Variants in KIF13A observed in about 807,000 individuals in gnomAD.
The protein encoded by KIF13A is kinesin-like protein KIF13A.
Under a neutral mutation model 212.2 loss-of-function variants are expected in KIF13A, and 79 were observed. That is an observed-to-expected ratio of 0.37 (90% CI 0.31 to 0.45). The LOEUF (loss-of-function observed/expected upper bound fraction) is 0.45, where lower values mean the gene tolerates loss of function less well. KIF13A is among the 20% of genes least tolerant of loss of function. The pLI is 1.00. For synonymous variants in KIF13A, 789 were observed against 808.6 expected, an observed-to-expected ratio of 0.98 and a Z score of 0.41; for missense variants, 1,901 against 2,209.0, an observed-to-expected ratio of 0.86 and a Z score of 2.79.
At chr6:17,916,070 A>G (rs1774490426) in intron 2 of KIF13A, among the ~76,000 whole-genome samples, 1 of 152,246 alleles carries the variant, frequency 6.6e-6, no homozygotes, top group Admixed American at 6.5e-5. Context: ...CTGATTCCCA[A>G]TACAGACCTG....
At chr6:17,818,421 A>G (rs1333206884) in intron 16 of KIF13A, among the ~76,000 whole-genome samples, 5 of 152,254 alleles carry the variant, frequency 3.3e-5, no homozygotes, top group Admixed American at 3.3e-4. Context: ...AAATTGTAAT[A>G]ATTTTCTATA....
chr6:17,766,483 C>A (rs60431330), intron 38 of KIF13A, among the ~76,000 whole-genome samples: 3 of 151,936 alleles, frequency 2.0e-5, no homozygotes, highest in Non-Finnish European at 2.9e-5. Flanking sequence ...GGTGATCTGC[C>A]CGTCTCAGCC....
At chr6:17,924,056 A>C (rs1484754791) in intron 2 of KIF13A, among the ~76,000 whole-genome samples, 1 of 152,240 alleles carries the variant, frequency 6.6e-6, no homozygotes, top group African/African-American at 2.4e-5. Context: ...TTCACAGGTT[A>C]AAAATACATA....
At chr6:17,932,770 T>G (rs977431424) in intron 2 of KIF13A, among the ~76,000 whole-genome samples, 2 of 150,880 alleles carry the variant, frequency 1.3e-5, no homozygotes, top group East Asian at 3.9e-4. Flanking sequence ...AGAGAGAGGG[T>G]TGAAGCGAGG....
At chr6:17,959,649 T>C (rs1278319280) in intron 2 of KIF13A, among the ~76,000 whole-genome samples, 2 of 152,264 alleles carry the variant, frequency 1.3e-5, no homozygotes, top group Non-Finnish European at 2.9e-5. Context: ...TTTTCAATTA[T>C]ATTTCCTAAA....
chr6:17,961,969 T>C lies in KIF13A; in HGVS notation c.146+25085A>G, dbSNP rs944273439. 2.0e-5 allele frequency among the ~76,000 whole-genome samples: 3 copies of C among 152,214 alleles called. No homozygotes were observed. Among genetic ancestry groups the C allele is most frequent in the Non-Finnish European group, 2.9e-5 (2 of 68,046 alleles). On this transcript the variant is annotated intron_variant, in intron 2 of 38. Transcript: ENST00000259711. This position sits in a 1 kb window ranked among gnomAD's most constrained non-coding sequence, Gnocchi z 4.1. ...TTAATAGTTCAACGGGCAATGGTTT[T>C]TCTTTTGTGTGGCACCTACATACCA...
At chr6:17,983,336 G>A (rs1164709098) in intron 2 of KIF13A, among the ~76,000 whole-genome samples, 2 of 152,004 alleles carry the variant, frequency 1.3e-5, no homozygotes, top group Non-Finnish European at 2.9e-5. Flanking sequence ...GAAGAGATGG[G>A]CAAAGTAGGG....
chr6:17,933,284 C>T (rs757746593), intron 2 of KIF13A, among the ~76,000 whole-genome samples: 2 of 151,998 alleles, frequency 1.3e-5, no homozygotes, highest in Non-Finnish European at 2.9e-5. Context: ...GAGTGCATAC[C>T]AACTGCATCT....
At position 17,888,527 on chromosome 6, in the gene KIF13A, C is replaced by T. The variant is rs1771752788; in HGVS notation, c.159+9641G>A. Among the ~76,000 whole-genome samples, 1 of 152,130 alleles carries T rather than the reference C, an allele frequency of 6.6e-6. No homozygotes were observed. Among genetic ancestry groups the T allele is most frequent in the African/African-American group, 2.4e-5 (1 of 41,432 alleles). ...AATTTAAAATGTTTTTGTAGACACA[C>T]TGAAAAGTAAAAGAGGCCAACCATG... On this transcript the variant is annotated intron_variant, in intron 3 of 38. Transcript: ENST00000259711. The surrounding 1 kb of genome is among the most constrained non-coding windows in gnomAD (Gnocchi z 4.8).
At chr6:17,975,910 T>C (rs184272738) in intron 2 of KIF13A, among the ~76,000 whole-genome samples, 61 of 151,796 alleles carry the variant, frequency 4.0e-4, no homozygotes, top group Non-Finnish European at 7.9e-4. Flanking sequence ...GTATTTACAA[T>C]CCTTGAGCTA....
Position 17,838,513 on chromosome 6 carries a change from TA to T in KIF13A, c.831-931del, listed in dbSNP as rs1409294187. 1.3e-5 allele frequency among the ~76,000 whole-genome samples: 2 copies of T among 151,978 alleles called. No homozygotes were observed. The highest frequency in any genetic ancestry group is 1.3e-4 in the Admixed American group (2 of 15,262). Reference sequence around the variant, plus strand: ...ACTGAAAAGTCCCCGAAATATAATATAAACTCAAGATTCAGAAAATGAACCA... The same window carrying T: ...ACTGAAAAGTCCCCGAAATATAATATAACTCAAGATTCAGAAAATGAACCA... On this transcript the variant is annotated intron_variant, in intron 9 of 38. Transcript: ENST00000259711. This position sits in a 1 kb window ranked among gnomAD's most constrained non-coding sequence, Gnocchi z 4.2.
chr6:17,785,411 G>A lies in KIF13A; in HGVS notation c.3488+104C>T. 7.8e-7 allele frequency: 1 copy of A among 1,288,440 alleles called. No individual in the cohort carries two copies. Among genetic ancestry groups the A allele is most frequent in the Non-Finnish European group, 1.0e-6 (1 of 966,386 alleles). 79.8% of individuals were successfully genotyped at this position (1,288,440 alleles called of 1,614,324 possible). On this transcript the variant is annotated intron_variant, in intron 28 of 38. Transcript: ENST00000259711. This position sits in a 1 kb window ranked among gnomAD's most constrained non-coding sequence, Gnocchi z 5.8. ...GGACATTCCCTAAGTAGTTCAGCTG[G>A]TTGGCATTTTCTGTGACAATCCTGG...
chr6:17,796,543 C>G, intron 23 of KIF13A, 126 bp downstream of exon 23: 8 of 473,510 alleles, frequency 1.7e-5, no homozygotes, highest in East Asian at 4.2e-5. Flanking sequence ...CCTGGCCATT[C>G]TTTTTTTTTT....
rs1765127539 is a variant in KIF13A, at chr6:17,828,098, T to C, written c.1532+142A>G. On this transcript the variant is annotated intron_variant, in intron 14 of 38. Transcript: ENST00000259711. This position sits in a 1 kb window ranked among gnomAD's most constrained non-coding sequence, Gnocchi z 4.3. ...TCACTCCTTCACAGTAATCACTCTC[T>C]ACAATCAGAAAGCAAGGGCCCCCTG... 8.9e-6 allele frequency: 6 copies of C among 674,342 alleles called. No individual in the cohort carries two copies. The highest frequency in any genetic ancestry group is 1.5e-5 in the Non-Finnish European group (6 of 411,118). The allele number at this position is 674,342 out of a possible 1,614,324, so 41.8% of individuals were successfully genotyped here.
rs765307051 is a variant in KIF13A, at chr6:17,781,290, T to A, written c.3556A>T (p.Ser1186Cys). 6.2e-7 allele frequency: 1 copy of A among 1,608,464 alleles called. No homozygotes were observed. The highest frequency in any genetic ancestry group is 1.1e-5 in the South Asian group (1 of 90,184). Reference protein sequence around the residue: ...LFLDLNADDLSANEQLVGPHA... With the variant: ...LFLDLNADDLCANEQLVGPHA... ...GGGCCAACAAGCTGCTCATTGGCAC[T>A]GAGGTCATCCGCTAACCACATCAGG... The change falls in exon 30 of 39, where the codon AGT becomes TGT. Residue 1186 changes from serine (S) to cysteine (C), a missense_variant. Around this residue, in one of 5 missense-constraint regions of KIF13A, gnomAD observed 687 missense variants for 759.1 expected, o/e 0.90. Transcript: ENST00000259711.
chr6:17,987,394 C>T lies in KIF13A; in HGVS notation c.55+15G>A. 7 of 1,360,930 alleles carry T rather than the reference C, an allele frequency of 5.1e-6. No individual in the cohort carries two copies. Among genetic ancestry groups the T allele is most frequent in the Non-Finnish European group, 6.8e-6 (7 of 1,027,980 alleles). 84.3% of individuals were successfully genotyped at this position (1,360,930 alleles called of 1,614,324 possible). A position where few individuals can be genotyped will look rare whatever the true frequency, so the allele number is the denominator to read the frequency against. On this transcript the variant is annotated intron_variant, in intron 1 of 38. Transcript: ENST00000259711. The surrounding 1 kb of genome is among the most constrained non-coding windows in gnomAD (Gnocchi z 7.7). ...CAGCCCGAGCAGAAATAAAAAAGAG[C>T]GGAAAGCTCCTCACCTCGTCGGTTC... is the stretch of plus-strand genomic sequence containing the variant.
Position 17,915,840 on chromosome 6 carries a change from T to C in KIF13A, c.147-17660A>G, listed in dbSNP as rs1457356195. ...AGCTGGGTGTGGTAGCAAGAGCCTATAGTCCCAGCTACCCAAGAGGCTGAG... is the reference window on the plus strand; with the variant it reads ...AGCTGGGTGTGGTAGCAAGAGCCTACAGTCCCAGCTACCCAAGAGGCTGAG... On this transcript the variant is annotated intron_variant, in intron 2 of 38. Coordinates refer to ENST00000259711, the MANE Select transcript of KIF13A (RefSeq NM_022113.6). The surrounding 1 kb of genome is among the most constrained non-coding windows in gnomAD (Gnocchi z 4.4). Among the ~76,000 whole-genome samples the C allele has an allele frequency of 2.0e-5, 3 of 151,412 alleles. No homozygotes were observed. The highest frequency in any genetic ancestry group is 4.4e-5 in the Non-Finnish European group (3 of 67,944).
chr6:17,849,492 A>G lies in KIF13A; in HGVS notation c.718-3T>C. ...TTACTGACTTTCTCCCCGGAATTCTAGTTATAGGAAACGAGAGAGAGAAGA... is the reference window on the plus strand; with the variant it reads ...TTACTGACTTTCTCCCCGGAATTCTGGTTATAGGAAACGAGAGAGAGAAGA... On this transcript the variant is annotated splice_region_variant and splice_polypyrimidine_tract_variant and intron_variant, in intron 8 of 38. Coordinates refer to ENST00000259711, the MANE Select transcript of KIF13A (RefSeq NM_022113.6). This position sits in a 1 kb window ranked among gnomAD's most constrained non-coding sequence, Gnocchi z 5.7. 5 of 1,609,428 alleles carry G rather than the reference A, an allele frequency of 3.1e-6. No homozygotes were observed. The highest frequency in any genetic ancestry group is 4.3e-6 in the Non-Finnish European group (5 of 1,176,428).
intron 2 of KIF13A, among the ~76,000 whole-genome samples, chr6:17,976,162 G>A (rs1780436528): frequency 6.6e-6 from 1 of 152,248 alleles, no homozygotes; most frequent in African/African-American, 2.4e-5. Flanking sequence ...GCTGCAGGTG[G>A]AGCTACCTGC....
Sources: allele counts gnomAD v4.1 joint callset (sites outside exome capture counted in the v4.1 genomes callset), GRCh38; gene constraint gnomAD v4.1.1; regional missense constraint gnomAD v4.1.1; non-coding constraint Gnocchi (gnomAD v3.1); transcripts MANE v1.5; gene names NCBI Gene and HGNC (gene_info 2026-07-23, HGNC 2026-07-21).